PAM: variants seen among roughly 807,000 people sequenced by gnomAD.
PAM encodes peptidylglycine alpha-amidating monooxygenase, also known as peptidyl-glycine alpha-amidating monooxygenase.
PAM carries 72 observed loss-of-function variants against 122.1 expected under a neutral mutation model. The observed-to-expected ratio is 0.59, with a 90% CI of 0.49 to 0.72. The LOEUF is 0.72. Ranked by LOEUF, PAM falls within the 30% of genes least tolerant of loss-of-function variation. The pLI is 0.00. For missense variants in PAM, 1,106 were observed against 1,183.7 expected, an observed-to-expected ratio of 0.93 and a Z score of 0.96; for synonymous variants, 389 against 404.4, an observed-to-expected ratio of 0.96 and a Z score of 0.46.
rs115480806 is a variant in PAM at position 102,923,424 on chromosome 5, C to T, written c.357-1533C>T. Among the ~76,000 whole-genome samples, 608 of 152,278 alleles carry T rather than the reference C, an allele frequency of 4.0e-3. 2 individuals are homozygous for T. The highest frequency in any genetic ancestry group is 0.014 in the African/African-American group (567 of 41,546). ...ATTTTTTTCTGTGTGAGCCAACCTC[C>T]GTCCCAAGAAGCTGTATTTGTCCTT... On this transcript the variant is annotated intron_variant, in intron 5 of 25. Coordinates refer to ENST00000438793, the MANE Select transcript of PAM (RefSeq NM_001177306.2).
At chr5:102,980,109 A>T (rs1769251881) in intron 15 of PAM, among the ~76,000 whole-genome samples, 1 of 152,068 alleles carries the variant, frequency 6.6e-6, no homozygotes, top group South Asian at 2.1e-4. Context: ...CATGTTCTCA[A>T]CTCCAGATTT....
intron 1 of PAM, among the ~76,000 whole-genome samples, chr5:102,786,250 T>C (rs1262986731): frequency 1.3e-5 from 2 of 152,204 alleles, no homozygotes; most frequent in Non-Finnish European, 2.9e-5. Context: ...ATGTAGAAGG[T>C]GTGACTTTGA....
chr5:102,756,254 T>C (rs996636605), intron 1 of PAM, among the ~76,000 whole-genome samples: 8 of 152,142 alleles, frequency 5.3e-5, no homozygotes, highest in Admixed American at 3.3e-4. Context: ...GATGTGATTA[T>C]CTCTCTGGGT....
rs556189733 is a variant in PAM, at chr5:102,974,283, G to A, written c.1330G>A (p.Ala444Thr). ...DLGRSDAREG[A>T]EHERGNAILV... ...TGGTCGATCTGATGCCAGAGAGGGT[G>A]CAGAACATGAGAGGGGTAATGCTAT... is the stretch of plus-strand genomic sequence containing the variant. The change falls in exon 15 of 26, where the codon GCA becomes ACA. Residue 444 changes from alanine to threonine, a missense_variant. Ala to Thr is a moderately conservative substitution (Grantham distance 58). Around this residue, in one of 3 missense-constraint regions of PAM, gnomAD observed 670 missense variants for 690.3 expected, o/e 0.97. Transcript: ENST00000438793. 2 of 1,614,068 alleles carry A rather than the reference G, an allele frequency of 1.2e-6. No homozygotes were observed. The highest frequency in any genetic ancestry group is 1.6e-4 in the Middle Eastern group (1 of 6,062).
chr5:102,805,500 C>A (rs936549190), intron 1 of PAM, among the ~76,000 whole-genome samples: 1 of 152,102 alleles, frequency 6.6e-6, no homozygotes, highest in Non-Finnish European at 1.5e-5. Context: ...GTACTGTTAT[C>A]CAGCAAGAAC....
chr5:103,007,522 C>T lies in PAM; in HGVS notation c.2080C>T (p.Leu694Phe), dbSNP rs1222991271. The change falls in exon 20 of 26, where the codon CTT becomes TTT. Residue 694 changes from leucine (L) to phenylalanine (F), a missense_variant. Leu to Phe is a conservative substitution (Grantham distance 22). This residue lies in a region of PAM where 103 missense variants were observed against 157.9 expected (regional missense o/e 0.65). Transcript: ENST00000438793. ...TVPHSLALVPLLGQLCVADRE... is the reference protein window; with the variant it reads ...TVPHSLALVPFLGQLCVADRE... Reference sequence around the variant, plus strand: ...TCCTCACAGCTTGGCTCTTGTGCCTCTTTTGGGCCAATTATGTGTGGCAGA... The same window carrying T: ...TCCTCACAGCTTGGCTCTTGTGCCTTTTTTGGGCCAATTATGTGTGGCAGA... 6.2e-7 allele frequency: 1 copy of T among 1,614,058 alleles called. No homozygotes were observed. Among genetic ancestry groups the T allele is most frequent in the South Asian group, 1.1e-5 (1 of 91,078 alleles).
chr5:103,025,068 T>G, intron 23 of PAM, 63 bp from the exon 24 acceptor site: 1 of 1,111,606 alleles, frequency 9.0e-7, no homozygotes, highest in Non-Finnish European at 1.4e-6. Context: ...TGGGTAGGGG[T>G]GGGTAAGGGG....
chr5:102,979,665 T>G (rs1000552797), intron 15 of PAM, among the ~76,000 whole-genome samples: 2 of 152,120 alleles, frequency 1.3e-5, no homozygotes, highest in African/African-American at 2.4e-5. Context: ...GATAAATGAA[T>G]GCCCTTTCAA....
intron 21 of PAM, among the ~76,000 whole-genome samples, chr5:103,011,355 TACAC>T (rs1000853111): frequency 7.5e-5 from 11 of 147,472 alleles, no homozygotes; most frequent in African/African-American, 2.0e-4. Context: ...CACACACACA[TACAC>T]ACACACACAA....
intron 1 of PAM, among the ~76,000 whole-genome samples, chr5:102,770,678 G>A (rs759935210): frequency 6.6e-6 from 1 of 152,012 alleles, no homozygotes; most frequent in East Asian, 1.9e-4. Flanking sequence ...ATTGATTTGT[G>A]TATGTTAAAT....
rs1168917285 is a variant in PAM, at chr5:102,758,073, GTTTTTTTTTTTTT to G, written c.-374+2748_-374+2760del. On this transcript the variant is annotated intron_variant, in intron 1 of 25. Transcript: ENST00000438793. The stretch of plus-strand genomic sequence containing the variant: ...AAAAAAAAAAAAGACTTAGAATTTT[GTTTTTTTTTTTTT>G]TTTTTTTTTTTTTTTTTTTTTTCTT... Among the ~76,000 whole-genome samples, 67 of 24,824 alleles carry G rather than the reference GTTTTTTTTTTTTT, an allele frequency of 2.7e-3. No individual in the cohort carries two copies. In the South Asian group the frequency reaches 0.036, roughly 13 times the overall value. The allele number at this position is 24,824 out of a possible 152,430, so 16.3% of individuals were successfully genotyped here.
At position 103,011,283 on chromosome 5, in the gene PAM, AT is replaced by A. The variant is rs778869542; in HGVS notation, c.2331+1424del. 7.2e-5 allele frequency among the ~76,000 whole-genome samples: 11 copies of A among 152,138 alleles called. No homozygotes were observed. The East Asian group carries it at 1.2e-3, about 16-fold the overall frequency. On this transcript the variant is annotated intron_variant, in intron 21 of 25. Coordinates refer to ENST00000438793, the MANE Select transcript of PAM (RefSeq NM_001177306.2). ...ATAAAAATATTTGTTGTTTATTTTG[AT>A]TTTTTTAAATCAGAATGAATAACCA... is the stretch of plus-strand genomic sequence containing the variant.
chr5:102,840,445 C>T (rs1778278629), intron 1 of PAM, among the ~76,000 whole-genome samples: 1 of 152,082 alleles, frequency 6.6e-6, no homozygotes, highest in African/African-American at 2.4e-5. Context: ...GAGGAATTTC[C>T]ATACAAATGT....
intron 16 of PAM, among the ~76,000 whole-genome samples, chr5:102,994,212 C>A (rs1175647391): frequency 5.3e-5 from 8 of 152,102 alleles, no homozygotes; most frequent in Non-Finnish European, 1.2e-4. Context: ...TGCTAAGAAA[C>A]TCCCTAGATA....
At position 102,803,449 on chromosome 5, in the gene PAM, G is replaced by A. The variant is rs113785898; in HGVS notation, c.-374+48101G>A. Among the ~76,000 whole-genome samples, 333 of 152,210 alleles carry A rather than the reference G, an allele frequency of 2.2e-3. 1 individual carries two copies. The highest frequency in any genetic ancestry group is 7.6e-3 in the African/African-American group (314 of 41,528). On this transcript the variant is annotated intron_variant, in intron 1 of 25. Coordinates refer to ENST00000438793, the MANE Select transcript of PAM (RefSeq NM_001177306.2). Reference sequence around the variant, plus strand: ...AGGGAGAAAAATTAAGGCCATTCCAGCCTTAATTCTTTAGAAACAGTGGAT... The same window carrying A: ...AGGGAGAAAAATTAAGGCCATTCCAACCTTAATTCTTTAGAAACAGTGGAT...
intron 20 of PAM, 131 bp downstream of exon 20, chr5:103,007,788 C>T (rs1000570547): frequency 8.0e-6 from 5 of 624,156 alleles, no homozygotes; most frequent in Admixed American, 2.8e-5. Context: ...TATCTTACAA[C>T]TGTTAGTGTG....
chr5:102,829,143 T>C (rs1015305003), intron 1 of PAM, among the ~76,000 whole-genome samples: 3 of 152,094 alleles, frequency 2.0e-5, no homozygotes, highest in Admixed American at 6.6e-5. Context: ...CAGTAAATGA[T>C]TATTAACATA....
At chr5:102,993,576 C>A (rs1774808487) in intron 16 of PAM, among the ~76,000 whole-genome samples, 1 of 152,210 alleles carries the variant, frequency 6.6e-6, no homozygotes, top group Non-Finnish European at 1.5e-5. Flanking sequence ...ACTTCAGATT[C>A]TTTCTGTTAC....
Position 103,029,578 on chromosome 5 carries a change from GTCTC to G in PAM, c.*515_*518del, listed in dbSNP as rs1184907828. Reference sequence around the variant, plus strand: ...ATATTGCAATGAAGGAAATAAAAAAGTCTCTATTTAAATTCTTTTTTAAATTTTC... The same window carrying G: ...ATATTGCAATGAAGGAAATAAAAAAGTATTTAAATTCTTTTTTAAATTTTC... On this transcript the variant is annotated 3_prime_UTR_variant, in exon 26 of 26. Transcript: ENST00000438793. The G allele has an allele frequency of 6.6e-6, 1 of 152,542 alleles. No homozygotes were observed. The highest frequency in any genetic ancestry group is 1.5e-5 in the Non-Finnish European group (1 of 68,054). 9.4% of individuals were successfully genotyped at this position (152,542 alleles called of 1,614,324 possible).
Sources: gnomAD v4.1 joint callset for allele counts (sites outside exome capture counted in the v4.1 genomes callset) on GRCh38, gnomAD v4.1.1 for gene constraint, gnomAD v4.1.1 regional missense constraint, MANE v1.5 for transcripts, NCBI Gene and HGNC (gene_info 2026-07-23, HGNC 2026-07-21) for gene names.